The following ZFHX3 variants were observed in gnomAD, a reference collection of about 807,000 sequenced individuals.
ZFHX3 encodes zinc finger homeobox 3.
Under a neutral mutation model 279.1 loss-of-function variants are expected in ZFHX3, and 42 were observed. The observed-to-expected ratio is 0.15, with a 90% CI of 0.12 to 0.19. ZFHX3 has a LOEUF of 0.19. ZFHX3 is among the 10% of genes least tolerant of loss of function. The pLI, the probability that ZFHX3 is intolerant of heterozygous loss-of-function variation, is 1.00. For missense variants in ZFHX3, 4,981 were observed against 4,754.0 expected (o/e 1.05, Z -1.40); for synonymous variants, 2,293 against 1,957.8 (o/e 1.17, Z -4.52).
chr16:73,392,811 G>A (rs11649404), intron 3 of ZFHX3, among the ~76,000 whole-genome samples: 58,513 of 150,612 alleles, frequency 0.39, 12,425 homozygotes, highest in Non-Finnish European at 0.49. Flanking sequence ...CAGGTCAAGA[G>A]CATTTCCAGA....
intron 1 of ZFHX3, among the ~76,000 whole-genome samples, chr16:73,717,738 A>G (rs2053430295): frequency 6.6e-6 from 1 of 152,202 alleles, no homozygotes; most frequent in South Asian, 2.1e-4. Context: ...TTAATCCAAG[A>G]ATTGGCTCTA....
chr16:73,348,917 C>T (rs200664306), intron 3 of ZFHX3, among the ~76,000 whole-genome samples: 6 of 152,078 alleles, frequency 3.9e-5, no homozygotes, highest in East Asian at 1.9e-4. Flanking sequence ...TACCTTGGTT[C>T]GGTGGAAAAT....
chr16:73,298,516 T>C (rs953252538), intron 4 of ZFHX3, among the ~76,000 whole-genome samples: 3 of 148,096 alleles, frequency 2.0e-5, no homozygotes, highest in South Asian at 2.2e-4. Context: ...TTTTTTTTTT[T>C]CACTTCTTTA....
At chr16:72,904,037 T>C (rs1411149461) in intron 3 of ZFHX3, among the ~76,000 whole-genome samples, 2 of 152,186 alleles carry the variant, frequency 1.3e-5, no homozygotes, top group African/African-American at 4.8e-5. Flanking sequence ...AAGTCGAATA[T>C]TTCTATCCTC....
At chr16:73,166,584 G>C (rs983234916) in intron 5 of ZFHX3, among the ~76,000 whole-genome samples, 18 of 152,146 alleles carry the variant, frequency 1.2e-4, no homozygotes, top group African/African-American at 4.3e-4. Context: ...TTCACTGGGA[G>C]AGAGGCAGGG....
chr16:72,901,683 G>A (rs776424811), intron 3 of ZFHX3, among the ~76,000 whole-genome samples: 13 of 152,138 alleles, frequency 8.5e-5, no homozygotes, highest in Non-Finnish European at 1.5e-4. Context: ...CAGACTTGTC[G>A]GAGGGAAGCA....
intron 1 of ZFHX3, among the ~76,000 whole-genome samples, chr16:73,864,524 G>C (rs1460111908): frequency 1.3e-5 from 2 of 152,200 alleles, no homozygotes; most frequent in African/African-American, 4.8e-5. Context: ...CTCGAGACCA[G>C]CCTGGACAAC....
chr16:73,325,839 A>T (rs2015669891), intron 3 of ZFHX3, among the ~76,000 whole-genome samples: 1 of 152,062 alleles, frequency 6.6e-6, no homozygotes, highest in Non-Finnish European at 1.5e-5. Context: ...TAGAAGGAGC[A>T]GCATATACAG....
intron 1 of ZFHX3, among the ~76,000 whole-genome samples, chr16:73,749,264 G>A (rs987149284): frequency 3.9e-5 from 6 of 152,034 alleles, no homozygotes; most frequent in Non-Finnish European, 8.8e-5. Context: ...GGGTCAGACC[G>A]AGGATAATTC....
At chr16:72,854,938 T>TGGC (rs2037716398) in intron 4 of ZFHX3, among the ~76,000 whole-genome samples, 1 of 73,920 alleles carries the variant, frequency 1.4e-5, no homozygotes, top group Non-Finnish European at 2.5e-5. Flanking sequence ...AATTGGTGGG[T>TGGC]GGGGGGGGGG....
rs568541063 is a variant in ZFHX3 at position 73,154,743 on chromosome 16, A to G, written c.-1103-10912T>C. Among the ~76,000 whole-genome samples, 5 of 152,352 alleles carry G rather than the reference A, an allele frequency of 3.3e-5. No homozygotes were observed. In the South Asian group the frequency reaches 1.0e-3, roughly 32 times the overall value. On this transcript the variant is annotated intron_variant, in intron 5 of 17. Coordinates refer to the ZFHX3 transcript ENST00000641206. ...CATTACATCAGATGCAAAATGCTCA[A>G]CCTTCAAGAGCTTCATACTACTAAA...
At chr16:73,335,990 G>A (rs1427614925) in intron 3 of ZFHX3, among the ~76,000 whole-genome samples, 3 of 152,194 alleles carry the variant, frequency 2.0e-5, no homozygotes, top group Non-Finnish European at 4.4e-5. Flanking sequence ...TCAATGCCCA[G>A]TTCTGCCTCT....
intron 3 of ZFHX3, among the ~76,000 whole-genome samples, chr16:73,346,057 C>A (rs989052891): frequency 6.6e-6 from 1 of 152,166 alleles, no homozygotes; most frequent in Non-Finnish European, 1.5e-5. Context: ...CCCTTCTCAT[C>A]CTTGGGTTAT....
At chr16:72,946,707 T>C (rs1960695780) in intron 3 of ZFHX3, among the ~76,000 whole-genome samples, 1 of 152,096 alleles carries the variant, frequency 6.6e-6, no homozygotes, top group South Asian at 2.1e-4. Flanking sequence ...GGCTGTACAC[T>C]AGCCGTGGGA....
At chr16:73,870,012 A>G (rs1313236347) in intron 1 of ZFHX3, among the ~76,000 whole-genome samples, 1 of 152,228 alleles carries the variant, frequency 6.6e-6, no homozygotes, top group Non-Finnish European at 1.5e-5. Context: ...AAGTAGTTTA[A>G]TAAAGCTTCT....
intron 2 of ZFHX3, among the ~76,000 whole-genome samples, chr16:73,623,538 A>G (rs1393373871): frequency 1.3e-5 from 2 of 152,336 alleles, no homozygotes; most frequent in African/African-American, 2.4e-5. Context: ...AGAAAAATAC[A>G]TTGGCAGACA....
chr16:73,094,340 TG>T (rs1392435219), intron 7 of ZFHX3, among the ~76,000 whole-genome samples: 1 of 152,252 alleles, frequency 6.6e-6, no homozygotes, highest in Non-Finnish European at 1.5e-5. Flanking sequence ...GTCCAGGGGC[TG>T]GTCCTGTAAA....
intron 5 of ZFHX3, among the ~76,000 whole-genome samples, chr16:73,182,856 A>T (rs1322996606): frequency 6.8e-6 from 1 of 146,982 alleles, no homozygotes; most frequent in Non-Finnish European, 1.5e-5. Flanking sequence ...GGACATACAG[A>T]TTACAATCAC....
At chr16:73,251,369 G>T (rs2013481841) in intron 5 of ZFHX3, among the ~76,000 whole-genome samples, 7 of 152,214 alleles carry the variant, frequency 4.6e-5, no homozygotes, top group Admixed American at 4.6e-4. Context: ...AATGACAACA[G>T]CGAGCACGGA....
Sources: allele counts gnomAD v4.1 joint callset (sites outside exome capture counted in the v4.1 genomes callset), GRCh38; gene constraint gnomAD v4.1.1; transcripts MANE v1.5; gene names NCBI Gene and HGNC (gene_info 2026-07-23, HGNC 2026-07-21).